CLIP4: variants seen among roughly 807,000 people sequenced by gnomAD.
The protein encoded by CLIP4 is CAP-Gly domain containing linker protein family member 4.
In CLIP4, 47 loss-of-function variants were observed where a neutral mutation model predicts 73.1. The ratio of observed to expected loss-of-function variants is 0.64; its 90% confidence interval spans 0.51 to 0.82. The LOEUF (loss-of-function observed/expected upper bound fraction) is 0.82. CLIP4 is among the 40% of genes least tolerant of loss of function. The pLI is 0.00. For missense variants in CLIP4, 874 were observed against 852.9 expected (o/e 1.02, Z -0.31); for synonymous variants, 306 against 295.4 (o/e 1.04, Z -0.37).
intron 6 of CLIP4, among the ~76,000 whole-genome samples, chr2:29,138,116 G>A (rs191665279): frequency 2.0e-3 from 304 of 152,080 alleles, no homozygotes; most frequent in Non-Finnish European, 3.6e-3. Context: ...CTAGGTTTTC[G>A]TCTAGGATTT....
intron 14 of CLIP4, among the ~76,000 whole-genome samples, chr2:29,169,574 G>A (rs1020426940): frequency 1.3e-5 from 2 of 152,078 alleles, no homozygotes; most frequent in African/African-American, 4.8e-5. Flanking sequence ...TGTAACAGAT[G>A]CTGACTGTCT....
intron 15 of CLIP4, among the ~76,000 whole-genome samples, chr2:29,174,939 A>T (rs1351769065): frequency 1.3e-5 from 2 of 151,032 alleles, no homozygotes; most frequent in Non-Finnish European, 3.0e-5. Context: ...ATTTTTGTTT[A>T]TCTCCCTGAG....
intron 14 of CLIP4, among the ~76,000 whole-genome samples, chr2:29,169,395 A>C (rs1317091639): frequency 1.3e-5 from 2 of 150,606 alleles, no homozygotes; most frequent in Non-Finnish European, 2.9e-5. Context: ...CCTCATAAAG[A>C]CACTAGTCAT....
At chr2:29,122,494 C>T (rs890084677) in intron 2 of CLIP4, among the ~76,000 whole-genome samples, 6 of 151,902 alleles carry the variant, frequency 3.9e-5, no homozygotes, top group Admixed American at 6.6e-5. Flanking sequence ...TATATTGTAG[C>T]GCTTTGGGAT....
At position 29,181,607 on chromosome 2, in the gene CLIP4, C is replaced by A. The variant is rs762080372; in HGVS notation, c.1832C>A (p.Thr611Asn). 3 of 1,612,670 alleles carry A rather than the reference C, an allele frequency of 1.9e-6. No homozygotes were observed. Among genetic ancestry groups the A allele is most frequent in the East Asian group, 2.2e-5 (1 of 44,844 alleles). The change falls in exon 16 of 16, where the codon ACC becomes AAC. Residue 611 changes from threonine to asparagine, a missense_variant. Coordinates refer to ENST00000320081, the MANE Select transcript of CLIP4 (RefSeq NM_024692.6). ...KAALRRSWSS[T>N]PTAGGIEGSV... is the part of the protein sequence containing the mutation. ...GCTTTGCGTCGCAGTTGGAGCAGCA[C>A]CCCCACCGCAGGTGGCATTGAAGGG... is the stretch of plus-strand genomic sequence containing the variant.
chr2:29,103,334 T>C (rs1668104388), intron 1 of CLIP4, among the ~76,000 whole-genome samples: 1 of 151,986 alleles, frequency 6.6e-6, no homozygotes, highest in Admixed American at 6.5e-5. Flanking sequence ...AGCCTGTTCT[T>C]AATGACCCAA....
At chr2:29,127,356 A>G (rs965023587) in intron 2 of CLIP4, among the ~76,000 whole-genome samples, 1 of 152,088 alleles carries the variant, frequency 6.6e-6, no homozygotes, top group Non-Finnish European at 1.5e-5. Flanking sequence ...AAATATTTAT[A>G]TTGCCATGAA....
intron 4 of CLIP4, among the ~76,000 whole-genome samples, chr2:29,132,890 C>A (rs932497982): frequency 2.0e-5 from 3 of 152,018 alleles, no homozygotes; most frequent in African/African-American, 7.2e-5. Flanking sequence ...AAATATTTTT[C>A]AAATGGCATA....
chr2:29,169,744 G>A (rs571752496), intron 14 of CLIP4, among the ~76,000 whole-genome samples: 7 of 152,156 alleles, frequency 4.6e-5, no homozygotes, highest in Admixed American at 1.3e-4. Context: ...TCTTTTCTTT[G>A]TGTTGGGAAT....
upstream of CLIP4, among the ~76,000 whole-genome samples, chr2:29,110,987 A>G (rs966620224): frequency 6.6e-6 from 1 of 152,194 alleles, no homozygotes; most frequent in Non-Finnish European, 1.5e-5. Flanking sequence ...CGCCTGGTCA[A>G]TATTTAAAGC....
intron 6 of CLIP4, among the ~76,000 whole-genome samples, chr2:29,137,486 T>A (rs540588485): frequency 6.6e-6 from 1 of 152,306 alleles, no homozygotes; most frequent in Non-Finnish European, 1.5e-5. Flanking sequence ...GAAAAACATA[T>A]GAGTGCAGTG....
chr2:29,111,179 T>C (rs1384598419), upstream of CLIP4, among the ~76,000 whole-genome samples: 2 of 152,232 alleles, frequency 1.3e-5, no homozygotes, highest in Non-Finnish European at 2.9e-5. Flanking sequence ...CTGCAGAATA[T>C]ATTTACCAGT....
In CLIP4 at chr2:29,154,502, T is replaced by A. The variant is rs532959976; in HGVS notation, c.1165+1674T>A. On this transcript the variant is annotated intron_variant, in intron 9 of 15. Transcript: ENST00000320081. Reference sequence around the variant, plus strand: ...CATAGATGGAATCCACATTGGTTTTTCTTCTGTTTTCTCACTGCTTGGCCC... The same window carrying A: ...CATAGATGGAATCCACATTGGTTTTACTTCTGTTTTCTCACTGCTTGGCCC... Among the ~76,000 whole-genome samples the A allele has an allele frequency of 6.6e-5, 10 of 152,312 alleles. No individual in the cohort carries two copies. In the South Asian group the frequency reaches 2.1e-3, roughly 32 times the overall value.
At chr2:29,146,350 A>G (rs1470707944) in intron 8 of CLIP4, among the ~76,000 whole-genome samples, 1 of 152,146 alleles carries the variant, frequency 6.6e-6, no homozygotes, top group African/African-American at 2.4e-5. Context: ...AAGAACTTGG[A>G]AAACTGGAAA....
intron 12 of CLIP4, among the ~76,000 whole-genome samples, chr2:29,161,422 T>C (rs62132795): frequency 6.6e-6 from 1 of 151,244 alleles, no homozygotes; most frequent in African/African-American, 2.4e-5. Context: ...AGAACATTGA[T>C]TAAAAAAAAA....
chr2:29,158,594 C>A (rs559639140), intron 11 of CLIP4, among the ~76,000 whole-genome samples: 2 of 152,076 alleles, frequency 1.3e-5, no homozygotes, highest in South Asian at 4.2e-4. Flanking sequence ...ACATGTTTCT[C>A]TAGTGAGTAG....
rs575874601 is a variant in CLIP4 at position 29,161,967 on chromosome 2, C to T, written c.1534+1500C>T. Among the ~76,000 whole-genome samples the T allele has an allele frequency of 1.2e-4, 18 of 152,276 alleles. No individual in the cohort carries two copies. The South Asian group carries it at 2.7e-3, about 23-fold the overall frequency. Reference sequence around the variant, plus strand: ...ACCACTTATAATTGCAAGCCAACTGCGTGATTTGAGTTAGGTGTTTTATAA... The same window carrying T: ...ACCACTTATAATTGCAAGCCAACTGTGTGATTTGAGTTAGGTGTTTTATAA... On this transcript the variant is annotated intron_variant, in intron 12 of 15. Transcript: ENST00000320081.
intron 2 of CLIP4, among the ~76,000 whole-genome samples, chr2:29,126,070 G>A (rs2148474066): frequency 6.6e-6 from 1 of 152,242 alleles, no homozygotes; most frequent in South Asian, 2.1e-4. Flanking sequence ...AGCTACTTGG[G>A]AGGCTGAGGC....
intron 1 of CLIP4, among the ~76,000 whole-genome samples, chr2:29,119,378 G>C (rs1429760111): frequency 6.6e-6 from 1 of 152,136 alleles, no homozygotes; most frequent in Non-Finnish European, 1.5e-5. Flanking sequence ...AAGGTGCTCT[G>C]GGGATCACTT....
Sources: allele counts gnomAD v4.1 joint callset (sites outside exome capture counted in the v4.1 genomes callset), GRCh38; gene constraint gnomAD v4.1.1; transcripts MANE v1.5; gene names NCBI Gene and HGNC (gene_info 2026-07-23, HGNC 2026-07-21).